Variants in GABRG3 observed in about 807,000 individuals in gnomAD.
The protein encoded by GABRG3 is gamma-aminobutyric acid receptor subunit gamma-3.
GABRG3 carries 25 observed loss-of-function variants against 48.8 expected under a neutral mutation model. The ratio of observed to expected loss-of-function variants is 0.51; its 90% CI spans 0.37 to 0.72. GABRG3 has a LOEUF of 0.72. Among genes scored for constraint, GABRG3 ranks in the 30% least tolerant of loss-of-function variants. The probability of loss-of-function intolerance (pLI) is 0.00; values close to 1 mark genes in which losing one functional copy is unlikely to be tolerated. For synonymous variants in GABRG3, 227 were observed against 217.6 expected, an observed-to-expected ratio of 1.04 and a Z score of -0.38; for missense variants, 394 against 577.9, an observed-to-expected ratio of 0.68 and a Z score of 3.26.
chr15:27,253,195 C>CA (rs1890515191), intron 3 of GABRG3, among the ~76,000 whole-genome samples: 1 of 152,302 alleles, frequency 6.6e-6, no homozygotes, highest in African/African-American at 2.4e-5. Context: ...AAGAAGGCAC[C>CA]GCAAAGGCTG....
intron 3 of GABRG3, among the ~76,000 whole-genome samples, chr15:27,313,246 G>A (rs1393354927): frequency 5.1e-4 from 28 of 54,866 alleles, no homozygotes; most frequent in African/African-American, 2.2e-3. Context: ...ATATATGTGT[G>A]TGTGTGTGTG....
intron 3 of GABRG3, among the ~76,000 whole-genome samples, chr15:27,182,681 G>A (rs1887969033): frequency 6.6e-6 from 1 of 152,114 alleles, no homozygotes; most frequent in Admixed American, 6.5e-5. Context: ...CTCCCCACAG[G>A]GCCGCCAAGC....
At chr15:27,388,735 G>C (rs1033141791) in intron 5 of GABRG3, among the ~76,000 whole-genome samples, 3 of 152,248 alleles carry the variant, frequency 2.0e-5, no homozygotes, top group African/African-American at 7.2e-5. Context: ...ACTCAGCGGA[G>C]AGTGCACCAA....
At chr15:27,407,088 C>T (rs543797166) in intron 5 of GABRG3, among the ~76,000 whole-genome samples, 134 of 152,112 alleles carry the variant, frequency 8.8e-4, no homozygotes, top group African/African-American at 2.8e-3. Flanking sequence ...CGACCACGGC[C>T]GGCTAATTTT....
At chr15:27,023,487 T>C (rs539099311) in intron 2 of GABRG3, among the ~76,000 whole-genome samples, 6 of 152,188 alleles carry the variant, frequency 3.9e-5, no homozygotes, top group Non-Finnish European at 8.8e-5. Context: ...CCCCAGTCCC[T>C]GGAAACCAAC....
chr15:27,387,720 A>G (rs1052677291), intron 5 of GABRG3, among the ~76,000 whole-genome samples: 1 of 148,446 alleles, frequency 6.7e-6, no homozygotes, highest in African/African-American at 2.5e-5. Flanking sequence ...CCCAGTCTCC[A>G]CAGACCCCAG....
In GABRG3 at chr15:27,308,366, C is replaced by CA. The variant is rs1892808373; in HGVS notation, c.271-18442dup. 3.1e-5 allele frequency among the ~76,000 whole-genome samples: 4 copies of CA among 129,622 alleles called. 1 individual carries two copies. Among genetic ancestry groups the CA allele is most frequent in the African/African-American group, 1.3e-4 (4 of 31,632 alleles). 85.0% of individuals were successfully genotyped at this position (129,622 alleles called of 152,430 possible). ...ATATAAACATACGTTTATATATAAA[C>CA]ATATAAACATTTGTTTATATATAAA... On this transcript the variant is annotated intron_variant, in intron 3 of 9. Transcript: ENST00000615808.
chr15:27,111,660 C>T (rs1257378758), intron 3 of GABRG3, among the ~76,000 whole-genome samples: 4 of 152,148 alleles, frequency 2.6e-5, no homozygotes, highest in Admixed American at 1.3e-4. Flanking sequence ...AGAGGGTCTA[C>T]GCCTTGTAGC....
At chr15:27,355,519 G>A (rs1283031717) in intron 5 of GABRG3, among the ~76,000 whole-genome samples, 3 of 152,178 alleles carry the variant, frequency 2.0e-5, no homozygotes, top group Non-Finnish European at 4.4e-5. Flanking sequence ...CTTTGCTGGT[G>A]GAAATGTCAG....
intron 3 of GABRG3, among the ~76,000 whole-genome samples, chr15:27,163,454 A>G (rs561905989): frequency 2.1e-4 from 32 of 152,086 alleles, no homozygotes; most frequent in African/African-American, 7.7e-4. Flanking sequence ...ATTGTAGGCA[A>G]ATCTCATAAC....
At chr15:27,331,063 A>G (rs568197572) in intron 5 of GABRG3, among the ~76,000 whole-genome samples, 60 of 152,258 alleles carry the variant, frequency 3.9e-4, no homozygotes, top group African/African-American at 1.3e-3. Flanking sequence ...TACCTATTGG[A>G]ATGGCAAAAA....
At chr15:27,396,239 A>G (rs1277381318) in intron 5 of GABRG3, among the ~76,000 whole-genome samples, 1 of 152,226 alleles carries the variant, frequency 6.6e-6, no homozygotes, top group Non-Finnish European at 1.5e-5. Flanking sequence ...ACTGGAAGAA[A>G]ATCATTGCAA....
chr15:27,341,358 C>G (rs1049010825), intron 5 of GABRG3, among the ~76,000 whole-genome samples: 1 of 152,032 alleles, frequency 6.6e-6, no homozygotes, highest in African/African-American at 2.4e-5. Flanking sequence ...GTTTATGATG[C>G]ATGTATTCAC....
Position 27,352,748 on chromosome 15 carries a change from T to C in GABRG3, c.574+23860T>C, listed in dbSNP as rs894837370. Among the ~76,000 whole-genome samples, 1 of 152,100 alleles carries C rather than the reference T, an allele frequency of 6.6e-6. No individual in the cohort carries two copies. Among genetic ancestry groups the C allele is most frequent in the Non-Finnish European group, 1.5e-5 (1 of 68,028 alleles). On this transcript the variant is annotated intron_variant, in intron 5 of 9. Transcript: ENST00000615808. The surrounding 1 kb of genome is among the most constrained non-coding windows in gnomAD (Gnocchi z 4.0). ...AAAGGAGCTCAGTGTCTTCCCCATA[T>C]GCCACGTTTCACGCAGATGCATGGG...
intron 5 of GABRG3, among the ~76,000 whole-genome samples, chr15:27,441,697 C>T (rs944670833): frequency 6.6e-6 from 1 of 152,140 alleles, no homozygotes; most frequent in Admixed American, 6.5e-5. Context: ...CAGGACAGGC[C>T]AGCCAGGGCC....
intron 7 of GABRG3, among the ~76,000 whole-genome samples, chr15:27,525,984 C>T (rs1361738584): frequency 6.6e-6 from 1 of 151,892 alleles, no homozygotes; most frequent in African/African-American, 2.4e-5. Flanking sequence ...TTCTAAAGAG[C>T]TTTTTCCATA....
intron 5 of GABRG3, among the ~76,000 whole-genome samples, chr15:27,407,580 T>C (rs910625152): frequency 6.6e-6 from 1 of 152,152 alleles, no homozygotes; most frequent in Non-Finnish European, 1.5e-5. Flanking sequence ...AGTAGGTAAA[T>C]GAATAAGTCA....
intron 3 of GABRG3, among the ~76,000 whole-genome samples, chr15:27,066,327 G>C (rs959284981): frequency 2.0e-5 from 3 of 152,124 alleles, no homozygotes; most frequent in African/African-American, 7.2e-5. Context: ...AAGTTGTGTG[G>C]CCATTTTTTC....
In GABRG3 at chr15:27,333,468, A is replaced by G. The variant is rs138154577; in HGVS notation, c.574+4580A>G. Among the ~76,000 whole-genome samples, 38 of 152,056 alleles carry G rather than the reference A, an allele frequency of 2.5e-4. No homozygotes were observed. In the East Asian group the frequency reaches 7.4e-3, roughly 29 times the overall value. ...AAAAACAGCACCTCTCTCTGATCCC[A>G]CTTTTGTTGTCATATCTCTCTTAGA... On this transcript the variant is annotated intron_variant, in intron 5 of 9. Transcript: ENST00000615808.
Sources: allele counts gnomAD v4.1 joint callset (sites outside exome capture counted in the v4.1 genomes callset), GRCh38; gene constraint gnomAD v4.1.1; non-coding constraint Gnocchi (gnomAD v3.1); transcripts MANE v1.5; gene names NCBI Gene and HGNC (gene_info 2026-07-23, HGNC 2026-07-21).